Variants in ANKIB1 observed in about 807,000 individuals in gnomAD.
ANKIB1 encodes ankyrin repeat and IBR domain-containing protein 1.
ANKIB1 carries 43 observed loss-of-function variants against 122.1 expected under a neutral mutation model. The observed-to-expected ratio is 0.35, with a 90% CI of 0.28 to 0.45. The LOEUF (loss-of-function observed/expected upper bound fraction) is 0.45. Ranked by LOEUF, ANKIB1 falls within the 20% of genes least tolerant of loss-of-function variation. The pLI is 1.00. For synonymous variants in ANKIB1, 390 were observed against 442.0 expected (o/e 0.88, Z 1.48); for missense variants, 992 against 1,329.5 (o/e 0.75, Z 3.95).
At chr7:92,291,567 C>CTTTTTTTTTTTTTTT (rs1188174295) in intron 1 of ANKIB1, among the ~76,000 whole-genome samples, 6 of 116,514 alleles carry the variant, frequency 5.1e-5, no homozygotes, top group Non-Finnish European at 1.1e-4. Flanking sequence ...TTTTCTTTTT[C>CTTTTTTTTTTTTTTT]TTTTTTTTTT....
At chr7:92,362,045 A>T (rs1181184985) in intron 9 of ANKIB1, 140 bp from the exon 10 acceptor site, 3 of 620,398 alleles carry the variant, frequency 4.8e-6, no homozygotes, top group Non-Finnish European at 8.3e-6. Flanking sequence ...TCCTGACCTC[A>T]GGTGATCCAC....
At chr7:92,255,459 G>A (rs1175913925) in intron 1 of ANKIB1, among the ~76,000 whole-genome samples, 1 of 152,136 alleles carries the variant, frequency 6.6e-6, no homozygotes, top group Non-Finnish European at 1.5e-5. Context: ...TTTCTGTTTA[G>A]TCATCCAGGC....
intron 1 of ANKIB1, among the ~76,000 whole-genome samples, chr7:92,284,984 A>G (rs1802087857): frequency 6.6e-6 from 1 of 152,192 alleles, no homozygotes; most frequent in South Asian, 2.1e-4. Flanking sequence ...GTAGAAGGTA[A>G]TTATTTACTT....
intron 1 of ANKIB1, among the ~76,000 whole-genome samples, chr7:92,290,083 C>T (rs905133676): frequency 6.6e-6 from 1 of 152,248 alleles, no homozygotes; most frequent in African/African-American, 2.4e-5. Context: ...TCCCAAAGTT[C>T]TGGAATTACA....
At chr7:92,266,246 T>A (rs770657717) in intron 1 of ANKIB1, among the ~76,000 whole-genome samples, 5 of 152,204 alleles carry the variant, frequency 3.3e-5, no homozygotes, top group Non-Finnish European at 7.3e-5. Context: ...GAAAATATAC[T>A]GGATTCTGTG....
chr7:92,327,299 A>G (rs1234551158), intron 4 of ANKIB1, among the ~76,000 whole-genome samples: 1 of 152,252 alleles, frequency 6.6e-6, no homozygotes, highest in African/African-American at 2.4e-5. Flanking sequence ...ATAGTGGAGC[A>G]TTAAAAAAGC....
intron 3 of ANKIB1, among the ~76,000 whole-genome samples, chr7:92,309,884 C>T (rs1236055386): frequency 1.4e-5 from 2 of 142,306 alleles, no homozygotes; most frequent in African/African-American, 2.6e-5. Context: ...AAGATGGGGC[C>T]GCTGCACTCC....
intron 5 of ANKIB1, among the ~76,000 whole-genome samples, chr7:92,341,187 G>A (rs1803431259): frequency 6.6e-6 from 1 of 151,966 alleles, no homozygotes; most frequent in South Asian, 2.1e-4. Flanking sequence ...GCACATGCCT[G>A]TAGTCCCAGC....
Position 92,365,553 on chromosome 7 carries a change from T to A in ANKIB1, c.1486+3280T>A, listed in dbSNP as rs527673669. Among the ~76,000 whole-genome samples, 27 of 152,098 alleles carry A rather than the reference T, an allele frequency of 1.8e-4. No individual in the cohort carries two copies. The South Asian group carries it at 5.6e-3, about 32-fold the overall frequency. On this transcript the variant is annotated intron_variant, in intron 10 of 19. Transcript: ENST00000265742. Reference sequence around the variant, plus strand: ...GGTGGTTATGCACAATGCTAGGAAATCCTAGACACTGAAAAGGGGTTTTAA... The same window carrying A: ...GGTGGTTATGCACAATGCTAGGAAAACCTAGACACTGAAAAGGGGTTTTAA...
At position 92,327,784 on chromosome 7, in the gene ANKIB1, C is replaced by T. The variant is rs779568478; in HGVS notation, c.671C>T (p.Pro224Leu). ...ACTTTATTTTTTTTCTTTTCAAAGC[C>T]ATATGAAGGATTAAGGCCTCAGGAT... ...AEYAALDKRE[P>L]YEGLRPQDLR... Residue 224 changes from proline (P) to leucine (L), a missense_variant and splice_region_variant, in exon 5 of 20, where the codon CCA (proline) becomes CTA (leucine). By Grantham distance (98) the Pro-to-Leu change is moderately conservative (BLOSUM62 -3). Around this residue, in one of 4 missense-constraint regions of ANKIB1, gnomAD observed 521 missense variants for 777.7 expected, o/e 0.67. Transcript: ENST00000265742. 1.3e-6 allele frequency: 2 copies of T among 1,546,130 alleles called. No homozygotes were observed. The highest frequency in any genetic ancestry group is 1.2e-5 in the South Asian group (1 of 80,464).
intron 9 of ANKIB1, among the ~76,000 whole-genome samples, chr7:92,355,666 AG>A (rs763150881): frequency 6.6e-6 from 1 of 151,898 alleles, no homozygotes; most frequent in Non-Finnish European, 1.5e-5. Context: ...TGGGTAACAC[AG>A]TGAAACCCTG....
chr7:92,259,067 T>C (rs1435542707), intron 1 of ANKIB1, among the ~76,000 whole-genome samples: 2 of 152,098 alleles, frequency 1.3e-5, no homozygotes, highest in Non-Finnish European at 2.9e-5. Flanking sequence ...GATCCTCCTG[T>C]CTCAGCCTCC....
At chr7:92,285,566 C>G (rs571547342) in intron 1 of ANKIB1, among the ~76,000 whole-genome samples, 1 of 152,092 alleles carries the variant, frequency 6.6e-6, no homozygotes, top group Non-Finnish European at 1.5e-5. Context: ...ATGAGAAATC[C>G]TCAGTTGTCA....
chr7:92,344,058 C>T (rs1308045892), intron 6 of ANKIB1, among the ~76,000 whole-genome samples: 1 of 151,936 alleles, frequency 6.6e-6, no homozygotes, highest in Non-Finnish European at 1.5e-5. Flanking sequence ...GCATATGTAA[C>T]GTGATAAATT....
intron 11 of ANKIB1, among the ~76,000 whole-genome samples, chr7:92,380,546 AGGCAGCAATATTTGCTGTTCT>A (rs1260584795): frequency 6.6e-6 from 1 of 152,228 alleles, no homozygotes; most frequent in African/African-American, 2.4e-5. Flanking sequence ...AGGAAGGACC[AGGCAGCAATATTTGCTGTTCT>A]GCAATATTTG....
At chr7:92,340,963 T>C (rs1175146163) in intron 5 of ANKIB1, among the ~76,000 whole-genome samples, 1 of 152,178 alleles carries the variant, frequency 6.6e-6, no homozygotes, top group African/African-American at 2.4e-5. Flanking sequence ...TAACACCCAT[T>C]GCTGTAGAAG....
chr7:92,337,103 T>G (rs989107570), intron 5 of ANKIB1, among the ~76,000 whole-genome samples: 1 of 152,240 alleles, frequency 6.6e-6, no homozygotes, highest in Admixed American at 6.5e-5. Flanking sequence ...TGTAACATTA[T>G]AAGTGATGCT....
intron 1 of ANKIB1, among the ~76,000 whole-genome samples, chr7:92,272,143 G>T (rs896986578): frequency 7.9e-5 from 12 of 152,104 alleles, no homozygotes; most frequent in Admixed American, 6.5e-4. Context: ...CCACTGAATT[G>T]TATGCTTAAA....
intron 11 of ANKIB1, among the ~76,000 whole-genome samples, chr7:92,373,892 T>G (rs1804325684): frequency 6.6e-6 from 1 of 152,254 alleles, no homozygotes; most frequent in Admixed American, 6.5e-5. Context: ...TAATTTAAAT[T>G]GTGCATTCTT....
Sources: allele counts gnomAD v4.1 joint callset (sites outside exome capture counted in the v4.1 genomes callset), GRCh38; gene constraint gnomAD v4.1.1; regional missense constraint gnomAD v4.1.1; transcripts MANE v1.5; gene names NCBI Gene and HGNC (gene_info 2026-07-23, HGNC 2026-07-21).